The following PPARGC1B variants were observed in gnomAD, a reference collection of about 807,000 sequenced individuals.
PPARGC1B encodes PPARG coactivator 1 beta, also known as peroxisome proliferator-activated receptor gamma coactivator 1-beta.
PPARGC1B carries 34 observed loss-of-function variants against 101.6 expected under a neutral mutation model. That is an observed-to-expected ratio of 0.33 (90% CI 0.25 to 0.45). The LOEUF is 0.45. Among genes scored for constraint, PPARGC1B ranks in the 20% least tolerant of loss-of-function variants. The pLI, the probability that PPARGC1B is intolerant of heterozygous loss-of-function variation, is 1.00. For synonymous variants in PPARGC1B, 548 were observed against 539.3 expected (o/e 1.02, Z -0.22); for missense variants, 1,234 against 1,317.6 (o/e 0.94, Z 0.98).
intron 1 of PPARGC1B, among the ~76,000 whole-genome samples, chr5:149,743,434 C>T (rs952394980): frequency 4.6e-5 from 7 of 152,170 alleles, no homozygotes; most frequent in African/African-American, 7.2e-5. Flanking sequence ...AGATTCCAGG[C>T]GTGAGCCACC....
intron 1 of PPARGC1B, among the ~76,000 whole-genome samples, chr5:149,762,759 C>T (rs1755762334): frequency 6.6e-6 from 1 of 152,140 alleles, no homozygotes; most frequent in African/African-American, 2.4e-5. Context: ...CTTTTATCCT[C>T]TAGTTCTCCC....
intron 3 of PPARGC1B, 53 bp downstream of exon 3, chr5:149,826,938 T>A (rs1312766807): frequency 8.5e-6 from 12 of 1,409,280 alleles, no homozygotes; most frequent in Non-Finnish European, 8.9e-6. Context: ...ATTAGGTTTC[T>A]GGTTCAGGGC....
chr5:149,790,702 C>T (rs1756985720), intron 1 of PPARGC1B, among the ~76,000 whole-genome samples: 1 of 152,182 alleles, frequency 6.6e-6, no homozygotes, highest in Non-Finnish European at 1.5e-5. Context: ...TCCTGTCACT[C>T]AGTGCATTTC....
At chr5:149,735,974 A>C (rs1425877822) in intron 1 of PPARGC1B, among the ~76,000 whole-genome samples, 2 of 152,164 alleles carry the variant, frequency 1.3e-5, no homozygotes, top group African/African-American at 4.8e-5. Flanking sequence ...AAATACAAAA[A>C]TTAGCCGGGC....
At chr5:149,739,278 G>A (rs10080122) in intron 1 of PPARGC1B, among the ~76,000 whole-genome samples, 123,551 of 152,238 alleles carry the variant, frequency 0.81, 50,283 homozygotes, top group South Asian at 0.9. Flanking sequence ...TGACTATTTC[G>A]TTGTGTATCT....
chr5:149,758,825 C>T (rs1364511014), intron 1 of PPARGC1B, among the ~76,000 whole-genome samples: 1 of 152,106 alleles, frequency 6.6e-6, no homozygotes, highest in East Asian at 1.9e-4. Flanking sequence ...TAATATTTTG[C>T]TTCTAGTTGT....
intron 2 of PPARGC1B, among the ~76,000 whole-genome samples, chr5:149,821,010 T>C (rs1758273882): frequency 6.6e-6 from 1 of 152,202 alleles, no homozygotes; most frequent in Non-Finnish European, 1.5e-5. Flanking sequence ...AGTTAAGTCA[T>C]GTGCCTAGGG....
chr5:149,812,090 A>G (rs887241860), intron 1 of PPARGC1B, among the ~76,000 whole-genome samples: 2 of 152,196 alleles, frequency 1.3e-5, no homozygotes, highest in Admixed American at 6.5e-5. Context: ...AGAATCACCA[A>G]GGTTGAGCTC....
chr5:149,843,796 G>C (rs182028637), intron 10 of PPARGC1B, among the ~76,000 whole-genome samples: 2 of 152,286 alleles, frequency 1.3e-5, no homozygotes, highest in African/African-American at 4.8e-5. Flanking sequence ...TACATAGAGT[G>C]GAATATTATG....
At position 149,836,858 on chromosome 5, in the gene PPARGC1B, G is replaced by C. The variant is rs1182587523; in HGVS notation, c.2403G>C (p.Glu801Asp). The C allele has an allele frequency of 9.3e-6, 15 of 1,612,970 alleles. No individual in the cohort carries two copies. The highest frequency in any genetic ancestry group is 6.7e-5 in the Admixed American group (4 of 60,008). The change falls in exon 8 of 12, where the codon GAG (glutamate) becomes GAC (aspartate). Residue 801 changes from glutamate to aspartate, a missense_variant. Glu to Asp is a conservative substitution (Grantham distance 45, BLOSUM62 2). Transcript: ENST00000309241. ...VFEDSSSSSGESSFLPEEEEE... is the reference protein window; with the variant it reads ...VFEDSSSSSGDSSFLPEEEEE... The stretch of plus-strand genomic sequence containing the variant: ...AAGACAGCAGCAGCAGCAGCGGCGA[G>C]AGCAGCTTCCTCCCAGAGGAGGAAG...
intron 10 of PPARGC1B, among the ~76,000 whole-genome samples, chr5:149,842,728 G>A (rs1021073395): frequency 1.3e-5 from 2 of 152,238 alleles, no homozygotes; most frequent in Admixed American, 1.3e-4. Context: ...AGCCAGAACC[G>A]GAGCCCATGT....
chr5:149,803,693 G>T (rs75465608), intron 1 of PPARGC1B, among the ~76,000 whole-genome samples: 11,404 of 152,254 alleles, frequency 0.075, 620 homozygotes, highest in Middle Eastern at 0.22. Context: ...AGGCCCAGGG[G>T]TGGGGAGCCT....
chr5:149,737,074 G>A (rs1336923190), intron 1 of PPARGC1B, among the ~76,000 whole-genome samples: 1 of 152,084 alleles, frequency 6.6e-6, no homozygotes, highest in Non-Finnish European at 1.5e-5. Flanking sequence ...CATTTCTTCT[G>A]TCCCCCAACT....
intron 1 of PPARGC1B, among the ~76,000 whole-genome samples, chr5:149,784,121 A>G (rs1230949409): frequency 2.0e-5 from 3 of 151,610 alleles, no homozygotes; most frequent in East Asian, 1.9e-4. Context: ...CCCCAGCCCT[A>G]TTTCCCTTCT....
intron 1 of PPARGC1B, among the ~76,000 whole-genome samples, chr5:149,752,462 G>T (rs577623131): frequency 6.6e-6 from 1 of 152,220 alleles, no homozygotes; most frequent in African/African-American, 2.4e-5. Context: ...ATACACTGTG[G>T]TTCAATGTGA....
At chr5:149,747,244 A>G (rs1225255920) in intron 1 of PPARGC1B, among the ~76,000 whole-genome samples, 1 of 151,814 alleles carries the variant, frequency 6.6e-6, no homozygotes, top group Non-Finnish European at 1.5e-5. Context: ...TTTCATTTTT[A>G]TCTTTGATCC....
At chr5:149,804,364 C>T (rs2113300399) in intron 1 of PPARGC1B, among the ~76,000 whole-genome samples, 1 of 152,288 alleles carries the variant, frequency 6.6e-6, no homozygotes, top group African/African-American at 2.4e-5. Context: ...GTCCCTGGTT[C>T]CATGCTATGC....
rs569389072 is a variant in PPARGC1B, at chr5:149,730,658, C to T, written c.78+238C>T. On this transcript the variant is annotated intron_variant, in intron 1 of 11. Transcript: ENST00000309241. This position sits in a 1 kb window ranked among gnomAD's most constrained non-coding sequence, Gnocchi z 4.0. ...GCTACGGCCGCTGGGGAGGGTCTAG[C>T]CTTGGCCGCTTGGAGTCTGCCACCC... Among the ~76,000 whole-genome samples, 5 of 152,240 alleles carry T rather than the reference C, an allele frequency of 3.3e-5. No homozygotes were observed. The highest frequency in any genetic ancestry group is 1.2e-4 in the African/African-American group (5 of 41,566).
intron 1 of PPARGC1B, among the ~76,000 whole-genome samples, chr5:149,779,123 C>G (rs1457939230): frequency 1.3e-5 from 2 of 152,118 alleles, no homozygotes; most frequent in Non-Finnish European, 2.9e-5. Context: ...TGATCTGACC[C>G]CAGCCAGACT....
Sources: gnomAD v4.1 joint callset for allele counts (sites outside exome capture counted in the v4.1 genomes callset) on GRCh38, gnomAD v4.1.1 for gene constraint, Gnocchi (gnomAD v3.1) non-coding constraint, MANE v1.5 for transcripts, NCBI Gene and HGNC (gene_info 2026-07-23, HGNC 2026-07-21) for gene names.